Variants in PLK3 observed in about 807,000 individuals in gnomAD.
The protein encoded by PLK3 is serine/threonine-protein kinase PLK3.
Under a neutral mutation model 71.6 loss-of-function variants are expected in PLK3, and 41 were observed. The observed-to-expected ratio is 0.57, with a 90% CI of 0.45 to 0.74. The LOEUF (loss-of-function observed/expected upper bound fraction) is 0.74. Among genes scored for constraint, PLK3 ranks in the 30% least tolerant of loss-of-function variants. The pLI, the probability that PLK3 is intolerant of heterozygous loss-of-function variation, is 0.00. For missense variants in PLK3, 791 were observed against 875.6 expected, an observed-to-expected ratio of 0.90 and a Z score of 1.22; for synonymous variants, 366 against 355.4, an observed-to-expected ratio of 1.03 and a Z score of -0.33.
At position 44,804,358 on chromosome 1, in the gene PLK3, C is replaced by A. The variant is rs764451924; in HGVS notation, c.1362C>A (p.Pro454=). ...FMPPAEQNPA[P]LAQPEPLVWV... ...TGACAGCGGAACAGAACCCGGCCCCCCTGGCCCAGCCAGAGCCTCTGGTGT... is the reference window on the plus strand; with the variant it reads ...TGACAGCGGAACAGAACCCGGCCCCACTGGCCCAGCCAGAGCCTCTGGTGT... The change falls in exon 12 of 15, where the codon CCC becomes CCA. Residue 454 remains proline (P), a synonymous_variant. Transcript: ENST00000372201. 3.1e-6 allele frequency: 5 copies of A among 1,613,922 alleles called. No homozygotes were observed. The African/African-American group carries it at 4.0e-5, about 13-fold the overall frequency.
rs879080890 is a variant in PLK3 at position 44,803,485 on chromosome 1, C to T, written c.1072+94C>T. The stretch of plus-strand genomic sequence containing the variant: ...GTGTGAGTGTGGGTGCCTGGAAACT[C>T]CTGGGGAGAGCATGTGCAGTACAGG... On this transcript the variant is annotated intron_variant, in intron 8 of 14. Transcript: ENST00000372201. This position sits in a 1 kb window ranked among gnomAD's most constrained non-coding sequence, Gnocchi z 4.3. 6 of 1,594,558 alleles carry T rather than the reference C, an allele frequency of 3.8e-6. No individual in the cohort carries two copies. The South Asian group carries it at 5.6e-5, about 15-fold the overall frequency.
chr1:44,803,744 T>G lies in PLK3; in HGVS notation c.1164+53T>G, dbSNP rs371623827. 1.4e-6 allele frequency: 2 copies of G among 1,402,476 alleles called. No homozygotes were observed. The highest frequency in any genetic ancestry group is 2.8e-5 in the African/African-American group (2 of 70,460). The allele number at this position is 1,402,476 out of a possible 1,614,324, so 86.9% of individuals were successfully genotyped here. ...CCTGACTCACCCCCACCCTAGCAGC[T>G]GAGGGAAGCCGGGGATAAAAGAGGC... On this transcript the variant is annotated intron_variant, in intron 9 of 14. Transcript: ENST00000372201. The surrounding 1 kb of genome is among the most constrained non-coding windows in gnomAD (Gnocchi z 4.3).
chr1:44,800,664 G>A lies in PLK3; in HGVS notation c.201G>A (p.Leu67=), dbSNP rs374476487. 3.4e-4 allele frequency: 526 copies of A among 1,552,116 alleles called. 2 individuals carry two copies. The highest frequency in any genetic ancestry group is 2.3e-3 in the South Asian group (193 of 84,738). Residue 67 remains leucine (L), a synonymous_variant, in exon 1 of 15, where the codon TTG becomes TTA. Transcript: ENST00000372201. This position sits in a 1 kb window ranked among gnomAD's most constrained non-coding sequence, Gnocchi z 6.5. ...RSGRTYLKGR[L]LGKGGFARCY... is the part of the protein sequence containing the mutation. ...GCCGCACCTACCTCAAAGGCCGCTT[G>A]TTGGGCAAGGTGGGCCGAGGGACGT... is the stretch of plus-strand genomic sequence containing the variant.
rs140530007 is a variant in PLK3 at position 44,805,701 on chromosome 1, G to A, written c.*23G>A. 7 of 1,602,656 alleles carry A rather than the reference G, an allele frequency of 4.4e-6. No homozygotes were observed. The highest frequency in any genetic ancestry group is 1.3e-5 in the African/African-American group (1 of 74,896). ...TAGGACCCAAGCCCTGAGGCCTGAG[G>A]CCTGTGCCTGTCAGGCTCTGGCCCT... On this transcript the variant is annotated 3_prime_UTR_variant, in exon 15 of 15. Coordinates refer to ENST00000372201, the MANE Select transcript of PLK3 (RefSeq NM_004073.4).
rs1319154952 is a variant in PLK3, at chr1:44,805,687, C to CCCTGAGG, written c.*21_*27dup. 8 of 1,609,402 alleles carry CCCTGAGG rather than the reference C, an allele frequency of 5.0e-6. No individual in the cohort carries two copies. Among genetic ancestry groups the CCCTGAGG allele is most frequent in the African/African-American group, 4.0e-5 (3 of 75,044 alleles). On this transcript the variant is annotated 3_prime_UTR_variant, in exon 15 of 15. Coordinates refer to ENST00000372201, the MANE Select transcript of PLK3 (RefSeq NM_004073.4). Reference sequence around the variant, plus strand: ...ACCGCAGCCCAGCCTAGGACCCAAGCCCTGAGGCCTGAGGCCTGTGCCTGT... The same window carrying CCCTGAGG: ...ACCGCAGCCCAGCCTAGGACCCAAGCCCTGAGGCCTGAGGCCTGAGGCCTGTGCCTGT...
At position 44,803,727 on chromosome 1, in the gene PLK3, A is replaced by T. The variant is rs780567518; in HGVS notation, c.1164+36A>T. 7 of 1,487,668 alleles carry T rather than the reference A, an allele frequency of 4.7e-6. No homozygotes were observed. In the Admixed American group the frequency reaches 8.9e-5, roughly 19 times the overall value. 92.2% of individuals were successfully genotyped at this position (1,487,668 alleles called of 1,614,324 possible). A position where few individuals can be genotyped will look rare whatever the true frequency, so the allele number is the denominator to read the frequency against. ...CAGGTGGACACTGTTCCCCTGACTC[A>T]CCCCCACCCTAGCAGCTGAGGGAAG... On this transcript the variant is annotated intron_variant, in intron 9 of 14. Transcript: ENST00000372201. The surrounding 1 kb of genome is among the most constrained non-coding windows in gnomAD (Gnocchi z 4.3).
Position 44,803,177 on chromosome 1 carries a change from A to G in PLK3, c.948+24A>G, listed in dbSNP as rs1017290198. Reference sequence around the variant, plus strand: ...AGGTCTGTGGCTCCCCAGACCTCTAAGTCCATCTGTGTATTCCCAGGGATT... The same window carrying G: ...AGGTCTGTGGCTCCCCAGACCTCTAGGTCCATCTGTGTATTCCCAGGGATT... On this transcript the variant is annotated intron_variant, in intron 7 of 14. Transcript: ENST00000372201. This position sits in a 1 kb window ranked among gnomAD's most constrained non-coding sequence, Gnocchi z 4.3. The G allele has an allele frequency of 2.5e-6, 4 of 1,613,250 alleles. No individual in the cohort carries two copies. The African/African-American group carries it at 4.0e-5, about 16-fold the overall frequency.
At chr1:44,801,448 T>C (rs1651827384) in intron 3 of PLK3, among the ~76,000 whole-genome samples, 174 bp from the exon 4 acceptor site, 1 of 152,072 alleles carries the variant, frequency 6.6e-6, no homozygotes, top group Non-Finnish European at 1.5e-5. Flanking sequence ...GACCTTGTGA[T>C]ACACCTGCCT....
Position 44,805,299 on chromosome 1 carries a change from G to A in PLK3, c.1669G>A (p.Val557Ile). ...GDLPSVEEVE[V>I]PAPPLLLQWV... ...TCTGCCCAGTGTGGAAGAGGTAGAG[G>A]TACCTGCTCCGCCCTTGCTGCTGCA... Residue 557 changes from valine (V) to isoleucine (I), a missense_variant, in exon 14 of 15, where the codon GTA (valine) becomes ATA (isoleucine). By Grantham distance (29) the Val-to-Ile change is conservative. Coordinates refer to ENST00000372201, the MANE Select transcript of PLK3 (RefSeq NM_004073.4). The A allele has an allele frequency of 6.2e-7, 1 of 1,613,692 alleles. No individual in the cohort carries two copies. The highest frequency in any genetic ancestry group is 8.5e-7 in the Non-Finnish European group (1 of 1,179,804).
At position 44,801,107 on chromosome 1, in the gene PLK3, G is replaced by C; in HGVS notation, c.390G>C (p.Glu130Asp). 4 of 1,613,708 alleles carry C rather than the reference G, an allele frequency of 2.5e-6. No homozygotes were observed. Among genetic ancestry groups the C allele is most frequent in the Non-Finnish European group, 3.4e-6 (4 of 1,179,872 alleles). The change falls in exon 3 of 15, where the codon GAG becomes GAC. Residue 130 changes from glutamate (E) to aspartate (D), a missense_variant. Glu to Asp is a conservative substitution (Grantham distance 45, BLOSUM62 2). Transcript: ENST00000372201. ...RHIVRFSHHF[E>D]DADNIYIFLE... Reference sequence around the variant, plus strand: ...TCGTGCGTTTTTCGCACCACTTTGAGGACGCTGACAACATCTACATTTTCT... The same window carrying C: ...TCGTGCGTTTTTCGCACCACTTTGACGACGCTGACAACATCTACATTTTCT...
chr1:44,803,130 C>T lies in PLK3; in HGVS notation c.925C>T (p.Leu309=). ...AGACCGCCCCTCTATTGACCAGATC[C>T]TGCGCCATGACTTCTTTACCAAGGT... is the stretch of plus-strand genomic sequence containing the variant. ...PRDRPSIDQI[L]RHDFFTKGYT... The change falls in exon 7 of 15, where the codon CTG becomes TTG. Residue 309 remains leucine (L), a synonymous_variant. Coordinates refer to ENST00000372201, the MANE Select transcript of PLK3 (RefSeq NM_004073.4). The surrounding 1 kb of genome is among the most constrained non-coding windows in gnomAD (Gnocchi z 4.3). The T allele has an allele frequency of 1.2e-6, 2 of 1,613,940 alleles. No individual in the cohort carries two copies. The highest frequency in any genetic ancestry group is 1.7e-6 in the Non-Finnish European group (2 of 1,179,990).
chr1:44,804,205 C>T lies in PLK3; in HGVS notation c.1301C>T (p.Ala434Val), dbSNP rs771029846. 1 of 1,613,906 alleles carries T rather than the reference C, an allele frequency of 6.2e-7. No homozygotes were observed. The highest frequency in any genetic ancestry group is 2.2e-5 in the East Asian group (1 of 44,880). Residue 434 changes from alanine to valine, a missense_variant, in exon 11 of 15, where the codon GCC becomes GTC. Physicochemically the swap from Ala to Val is moderately conservative, Grantham distance 64. Coordinates refer to ENST00000372201, the MANE Select transcript of PLK3 (RefSeq NM_004073.4). ...ACTGTGGCCACAGTAGTGGAGTCAG[C>T]CCTTTGTGCTCTGAGAAATTGTATA... ...GLTVATVVES[A>V]LCALRNCIAF...
intron 13 of PLK3, 44 bp from the exon 14 acceptor site, chr1:44,805,222 C>G: frequency 7.9e-7 from 1 of 1,263,848 alleles, no homozygotes; most frequent in Non-Finnish European, 1.2e-6. Flanking sequence ...GGGGAGGGGG[C>G]TGTCTCACGC....
Position 44,800,510 on chromosome 1 carries a change from C to A in PLK3, c.47C>A (p.Ala16Glu). Reference protein sequence around the residue: ...GFLSPRPFQRAAAAPAPPAGP... With the variant: ...GFLSPRPFQREAAAPAPPAGP... ...CTGTCTCCGCGCCCCTTCCAGCGTG[C>A]GGCCGCCGCGCCCGCTCCCCCGGCC... The change falls in exon 1 of 15, where the codon GCG becomes GAG. Residue 16 changes from alanine (A) to glutamate (E), a missense_variant. Transcript: ENST00000372201. The surrounding 1 kb of genome is among the most constrained non-coding windows in gnomAD (Gnocchi z 6.5). 6.9e-7 allele frequency: 1 copy of A among 1,450,514 alleles called. No individual in the cohort carries two copies. The highest frequency in any genetic ancestry group is 1.3e-5 in the South Asian group (1 of 74,360). 89.9% of individuals were successfully genotyped at this position (1,450,514 alleles called of 1,614,324 possible). A position where few individuals can be genotyped will look rare whatever the true frequency, so the allele number is the denominator to read the frequency against.
chr1:44,805,172 T>C (rs1043875854), intron 13 of PLK3, 94 bp from the exon 14 acceptor site: 19 of 797,832 alleles, frequency 2.4e-5, no homozygotes, highest in African/African-American at 6.8e-5. Flanking sequence ...TTGGTGGTGG[T>C]TGGGGTTGCT....
chr1:44,805,856 A>C lies in PLK3; in HGVS notation c.*178A>C. 1 of 1,388,552 alleles carries C rather than the reference A, an allele frequency of 7.2e-7. No homozygotes were observed. 86.0% of individuals were successfully genotyped at this position (1,388,552 alleles called of 1,614,324 possible). A position where few individuals can be genotyped will look rare whatever the true frequency, so the allele number is the denominator to read the frequency against. ...CTTCGCTGGCTCCTACCCCATCTCC[A>C]AGATAAGCCTGAGCCTTAGCTCCCA... On this transcript the variant is annotated 3_prime_UTR_variant, in exon 15 of 15. Coordinates refer to ENST00000372201, the MANE Select transcript of PLK3 (RefSeq NM_004073.4).
At chr1:44,802,564 G>A (rs923456794) in intron 5 of PLK3, among the ~76,000 whole-genome samples, 196 bp from the exon 6 acceptor site, 1 of 152,114 alleles carries the variant, frequency 6.6e-6, no homozygotes, top group African/African-American at 2.4e-5. Flanking sequence ...GTCATGAAGA[G>A]CAGCTGAGCA....
rs372807996 is a variant in PLK3 at position 44,803,728 on chromosome 1, C to G, written c.1164+37C>G. On this transcript the variant is annotated intron_variant, in intron 9 of 14. Coordinates refer to ENST00000372201, the MANE Select transcript of PLK3 (RefSeq NM_004073.4). The surrounding 1 kb of genome is among the most constrained non-coding windows in gnomAD (Gnocchi z 4.3). ...AGGTGGACACTGTTCCCCTGACTCA[C>G]CCCCACCCTAGCAGCTGAGGGAAGC... is the stretch of plus-strand genomic sequence containing the variant. 3.4e-4 allele frequency: 505 copies of G among 1,481,888 alleles called. No homozygotes were observed. Among genetic ancestry groups the G allele is most frequent in the Non-Finnish European group, 4.0e-4 (431 of 1,068,056 alleles). 91.8% of individuals were successfully genotyped at this position (1,481,888 alleles called of 1,614,324 possible). A position where few individuals can be genotyped will look rare whatever the true frequency, so the allele number is the denominator to read the frequency against.
rs558298274 is a variant in PLK3 at position 44,803,545 on chromosome 1, C to A, written c.1073-55C>A. 3.2e-6 allele frequency: 5 copies of A among 1,579,834 alleles called. No homozygotes were observed. The highest frequency in any genetic ancestry group is 4.3e-6 in the Non-Finnish European group (5 of 1,150,670). ...AGGCCAATCTCTGTGTCATCCCTGT[C>A]GGAAGTGGAGGGGCTGGGCAGGATA... On this transcript the variant is annotated intron_variant, in intron 8 of 14. Coordinates refer to ENST00000372201, the MANE Select transcript of PLK3 (RefSeq NM_004073.4). The surrounding 1 kb of genome is among the most constrained non-coding windows in gnomAD (Gnocchi z 4.3).
Sources: gnomAD v4.1 joint callset for allele counts (sites outside exome capture counted in the v4.1 genomes callset) on GRCh38, gnomAD v4.1.1 for gene constraint, Gnocchi (gnomAD v3.1) non-coding constraint, MANE v1.5 for transcripts, NCBI Gene and HGNC (gene_info 2026-07-23, HGNC 2026-07-21) for gene names.